SPMIP2: variants seen among roughly 807,000 people sequenced by gnomAD.
SPMIP2 encodes protein SPMIP2.
At chr4:159,045,123 G>A in the SPMIP2 span, among the ~76,000 whole-genome samples, 1 of 151,688 alleles carries the variant, frequency 6.6e-6, no homozygotes, top group Non-Finnish European at 1.5e-5. Context: ...AGTTATAGCT[G>A]AGCCCAGAAG....
At chr4:158,925,981 G>A in the SPMIP2 span, among the ~76,000 whole-genome samples, 2 of 151,998 alleles carry the variant, frequency 1.3e-5, no homozygotes. Flanking sequence ...TTTTATAAAG[G>A]CACTCATCCC....
At chr4:158,970,765 T>C in the SPMIP2 span, among the ~76,000 whole-genome samples, 1 of 152,164 alleles carries the variant, frequency 6.6e-6, no homozygotes, top group East Asian at 1.9e-4. Flanking sequence ...TAAGGTATTG[T>C]TCAAGATTGT....
the SPMIP2 span, among the ~76,000 whole-genome samples, chr4:158,896,571 C>T: frequency 1.2e-4 from 18 of 152,244 alleles, no homozygotes; most frequent in South Asian, 3.5e-3. Context: ...ATAATGTCGA[C>T]GTTTAAATTA....
At chr4:158,966,455 C>A in the SPMIP2 span, among the ~76,000 whole-genome samples, 2 of 152,222 alleles carry the variant, frequency 1.3e-5, no homozygotes, top group Admixed American at 6.5e-5. Flanking sequence ...TATTGGCTCA[C>A]ACAGAAGTTT....
chr4:159,003,844 T>A, the SPMIP2 span, among the ~76,000 whole-genome samples: 2 of 152,106 alleles, frequency 1.3e-5, no homozygotes, highest in Non-Finnish European at 2.9e-5. Context: ...CAAACTACCA[T>A]TCCCCAGGAC....
chr4:158,958,671 T>C, the SPMIP2 span, among the ~76,000 whole-genome samples: 2 of 152,192 alleles, frequency 1.3e-5, no homozygotes, highest in South Asian at 4.1e-4. Context: ...AGGAAAAAGA[T>C]GGCTCTCAGG....
the SPMIP2 span, among the ~76,000 whole-genome samples, chr4:159,081,038 CTTTTTTT>C: frequency 8.4e-6 from 1 of 118,410 alleles, no homozygotes; most frequent in African/African-American, 3.2e-5. Context: ...GTTTCTTTCT[CTTTTTTT>C]TTTTTTTTTT....
the SPMIP2 span, among the ~76,000 whole-genome samples, chr4:158,983,971 C>CA: frequency 9.5e-6 from 1 of 105,640 alleles, no homozygotes; most frequent in African/African-American, 3.6e-5. Flanking sequence ...AAATGGAAAA[C>CA]AAAAAAAGGC....
At chr4:158,937,310 A>C in the SPMIP2 span, among the ~76,000 whole-genome samples, 1 of 152,230 alleles carries the variant, frequency 6.6e-6, no homozygotes, top group Non-Finnish European at 1.5e-5. Context: ...ATATTTAGCA[A>C]TTATTAATAG....
the SPMIP2 span, chr4:159,007,533 G>A: frequency 2.1e-6 from 2 of 932,192 alleles, no homozygotes; most frequent in African/African-American, 3.3e-5. Flanking sequence ...TGATTTTGGG[G>A]TAGCAATCCA....
chr4:158,987,769 T>C, the SPMIP2 span, among the ~76,000 whole-genome samples: 1 of 151,866 alleles, frequency 6.6e-6, no homozygotes, highest in African/African-American at 2.4e-5. Context: ...CCCTAAAACT[T>C]AAAGTATAAT....
chr4:158,902,490 A>G, the SPMIP2 span, among the ~76,000 whole-genome samples: 24 of 152,106 alleles, frequency 1.6e-4, no homozygotes, highest in Non-Finnish European at 4.4e-5. Context: ...AGGCAGTCTG[A>G]CCCTTAGCAG....
the SPMIP2 span, among the ~76,000 whole-genome samples, chr4:158,956,800 G>T: frequency 1.3e-5 from 2 of 152,084 alleles, no homozygotes; most frequent in African/African-American, 4.8e-5. Flanking sequence ...TTCTTTAAAA[G>T]CTCAACTGAA....
chr4:158,942,604 T>C, the SPMIP2 span, among the ~76,000 whole-genome samples: 2 of 152,216 alleles, frequency 1.3e-5, no homozygotes, highest in South Asian at 4.1e-4. Flanking sequence ...ACCCCATCTC[T>C]ACTAAAAATT....
At chr4:158,949,549 G>A in the SPMIP2 span, among the ~76,000 whole-genome samples, 1 of 64,290 alleles carries the variant, frequency 1.6e-5, no homozygotes, top group Non-Finnish European at 2.9e-5. Context: ...TGTCTTTAAA[G>A]CCATTGTACT....
At chr4:158,959,701 C>A in the SPMIP2 span, among the ~76,000 whole-genome samples, 1 of 152,024 alleles carries the variant, frequency 6.6e-6, no homozygotes, top group Non-Finnish European at 1.5e-5. Flanking sequence ...TGATCTTTTC[C>A]CTCTTAGGAA....
the SPMIP2 span, among the ~76,000 whole-genome samples, chr4:158,993,511 T>C: frequency 6.6e-6 from 1 of 152,214 alleles, no homozygotes; most frequent in African/African-American, 2.4e-5. Context: ...TTCATGCTAT[T>C]ACTGGGATTC....
chr4:159,001,363 A>T, the SPMIP2 span, among the ~76,000 whole-genome samples: 3 of 152,134 alleles, frequency 2.0e-5, no homozygotes, highest in Admixed American at 2.0e-4. Flanking sequence ...CTTTTTAAAA[A>T]ACTTTTATTT....
chr4:159,069,688 T>A, the SPMIP2 span, among the ~76,000 whole-genome samples: 1 of 152,194 alleles, frequency 6.6e-6, no homozygotes, highest in Non-Finnish European at 1.5e-5. Context: ...TGAACATACC[T>A]TGATGCAATA....
Sources: allele counts gnomAD v4.1 joint callset (sites outside exome capture counted in the v4.1 genomes callset), GRCh38; gene constraint gnomAD v4.1.1; transcripts MANE v1.5; gene names NCBI Gene and HGNC (gene_info 2026-07-23, HGNC 2026-07-21).